The following CABLES2 variants were observed in gnomAD, a reference collection of about 807,000 sequenced individuals.
CABLES2 encodes the protein CDK5 and ABL1 enzyme substrate 2.
CABLES2 carries 35 observed loss-of-function variants against 44.8 expected under a neutral mutation model. The ratio of observed to expected loss-of-function variants is 0.78; its 90% CI spans 0.60 to 1.04. The LOEUF (loss-of-function observed/expected upper bound fraction) is 1.04. Ranked by LOEUF, CABLES2 falls within the 50% of genes least tolerant of loss-of-function variation. The pLI, the probability that CABLES2 is intolerant of heterozygous loss-of-function variation, is 0.00. For missense variants in CABLES2, 566 were observed against 615.7 expected, an observed-to-expected ratio of 0.92 and a Z score of 0.85; for synonymous variants, 282 against 281.1, an observed-to-expected ratio of 1.00 and a Z score of -0.03.
intron 1 of CABLES2, among the ~76,000 whole-genome samples, chr20:62,397,377 T>G (rs11908394): frequency 0.18 from 27,601 of 152,176 alleles, 2,732 homozygotes; most frequent in Middle Eastern, 0.26. Flanking sequence ...CCCCACTCAC[T>G]GCTGTCCTTA....
At chr20:62,401,369 G>A (rs554925519) in intron 1 of CABLES2, among the ~76,000 whole-genome samples, 2 of 152,204 alleles carry the variant, frequency 1.3e-5, no homozygotes, top group Non-Finnish European at 2.9e-5. Context: ...CAGAACCAGG[G>A]CTGTTGCAAC....
chr20:62,407,057 G>A lies in CABLES2; in HGVS notation c.220C>T (p.Pro74Ser). 1.8e-6 allele frequency: 2 copies of A among 1,087,746 alleles called. No individual in the cohort carries two copies. Among genetic ancestry groups the A allele is most frequent in the Non-Finnish European group, 2.2e-6 (2 of 896,310 alleles). 67.4% of individuals were successfully genotyped at this position (1,087,746 alleles called of 1,614,324 possible). ...GGCGGTTCGCGGGCCTCGGCGGGCG[G>A]CGGCGGGGGCTTCTCTCCGCCCGGG... ...LGPGGEKPPP[P>S]PAEAREPPAP... The change falls in exon 1 of 10, where the codon CCG becomes TCG. Residue 74 changes from proline to serine, a missense_variant. This residue lies in a region of CABLES2 where 130 missense variants were observed against 79.4 expected (regional missense o/e 1.64). Coordinates refer to ENST00000279101, the MANE Select transcript of CABLES2 (RefSeq NM_031215.3).
Position 62,407,238 on chromosome 20 carries a change from G to T in CABLES2, c.39C>A (p.Ala13=), listed in dbSNP as rs1163662347. 2.4e-6 allele frequency: 2 copies of T among 817,428 alleles called. No individual in the cohort carries two copies. The highest frequency in any genetic ancestry group is 2.9e-6 in the Non-Finnish European group (2 of 680,064). 50.6% of individuals were successfully genotyped at this position (817,428 alleles called of 1,614,324 possible). Residue 13 remains alanine, a synonymous_variant, in exon 1 of 10, where the codon GCC becomes GCA. Coordinates refer to ENST00000279101, the MANE Select transcript of CABLES2 (RefSeq NM_031215.3). Reference sequence around the variant, plus strand: ...GTGGCGGGGGCCCGGCGGGGCCGGGGGCCGGGCCCGGGGCTCCACCGGCCG... The same window carrying T: ...GTGGCGGGGGCCCGGCGGGGCCGGGTGCCGGGCCCGGGGCTCCACCGGCCG... ...AAAAGGAPGP[A]PGPAGPPPPA...
At chr20:62,402,053 C>T (rs1485373735) in intron 1 of CABLES2, among the ~76,000 whole-genome samples, 3 of 152,128 alleles carry the variant, frequency 2.0e-5, no homozygotes, top group Non-Finnish European at 2.9e-5. Context: ...GGTGCCTACT[C>T]GTGGTTCCCC....
Position 62,390,660 on chromosome 20 carries a change from G to A in CABLES2, c.*311C>T, listed in dbSNP as rs1987897723. 2 of 383,440 alleles carry A rather than the reference G, an allele frequency of 5.2e-6. No homozygotes were observed. The highest frequency in any genetic ancestry group is 6.3e-5 in the South Asian group (2 of 31,718). 23.8% of individuals were successfully genotyped at this position (383,440 alleles called of 1,614,324 possible). ...TCGCTGCTGCACGCTGTGAACAAAA[G>A]GTCCTGGTACCAGGCTGGTCTCAGG... On this transcript the variant is annotated 3_prime_UTR_variant, in exon 10 of 10. Coordinates refer to ENST00000279101, the MANE Select transcript of CABLES2 (RefSeq NM_031215.3).
chr20:62,393,009 C>T lies in CABLES2; in HGVS notation c.895G>A (p.Asp299Asn). 6.2e-7 allele frequency: 1 copy of T among 1,613,758 alleles called. No homozygotes were observed. Among genetic ancestry groups the T allele is most frequent in the South Asian group, 1.1e-5 (1 of 91,082 alleles). Reference sequence around the variant, plus strand: ...AGGTTGGGGTTGTACTCCAGGGTGTCCCCCACGTCACTCCCTGTAAGAGAG... The same window carrying T: ...AGGTTGGGGTTGTACTCCAGGGTGTTCCCCACGTCACTCCCTGTAAGAGAG... ...ASTELGSDVG[D>N]TLEYNPNLLD... Residue 299 changes from aspartate to asparagine, a missense_variant, in exon 7 of 10, where the codon GAC (aspartate) becomes AAC (asparagine). By Grantham distance (23) the Asp-to-Asn change is conservative. Coordinates refer to ENST00000279101, the MANE Select transcript of CABLES2 (RefSeq NM_031215.3).
At chr20:62,397,998 A>ATGG (rs1569017317) in intron 1 of CABLES2, among the ~76,000 whole-genome samples, 8 of 68,304 alleles carry the variant, frequency 1.2e-4, no homozygotes, top group Admixed American at 1.5e-4. Context: ...GGTGGTGATG[A>ATGG]TGGTGATGGT....
Position 62,388,958 on chromosome 20 carries a change from G to A in CABLES2, c.*2013C>T, listed in dbSNP as rs747673830. The stretch of plus-strand genomic sequence containing the variant: ...AAAAATGGGACATAACTGAAGGGAA[G>A]GCTTCACACATCACAAAGACCGGGT... On this transcript the variant is annotated 3_prime_UTR_variant, in exon 10 of 10. Transcript: ENST00000279101. 15 of 166,902 alleles carry A rather than the reference G, an allele frequency of 9.0e-5. No homozygotes were observed. Among genetic ancestry groups the A allele is most frequent in the Non-Finnish European group, 1.7e-4 (13 of 76,678 alleles). 10.3% of individuals were successfully genotyped at this position (166,902 alleles called of 1,614,324 possible).
intron 1 of CABLES2, among the ~76,000 whole-genome samples, chr20:62,398,262 T>C (rs1381769959): frequency 2.2e-4 from 28 of 128,634 alleles, no homozygotes; most frequent in African/African-American, 9.4e-4. Flanking sequence ...GTGGTGGTGA[T>C]GGTGATGGCG....
intron 1 of CABLES2, among the ~76,000 whole-genome samples, chr20:62,400,992 G>A (rs1385682787): frequency 6.6e-6 from 1 of 152,192 alleles, no homozygotes; most frequent in African/African-American, 2.4e-5. Flanking sequence ...GTTCATGGGT[G>A]GGTAAATTGA....
intron 6 of CABLES2, among the ~76,000 whole-genome samples, 165 bp downstream of exon 6, chr20:62,393,275 C>T (rs973182101): frequency 2.0e-5 from 3 of 152,270 alleles, no homozygotes; most frequent in Non-Finnish European, 4.4e-5. Context: ...CCAGGGATAG[C>T]GATTCAGTGT....
chr20:62,396,715 G>T lies in CABLES2; in HGVS notation c.363-123C>A. 1.0e-6 allele frequency: 1 copy of T among 957,364 alleles called. No individual in the cohort carries two copies. The highest frequency in any genetic ancestry group is 1.6e-6 in the Non-Finnish European group (1 of 630,210). The allele number at this position is 957,364 out of a possible 1,614,324, so 59.3% of individuals were successfully genotyped here. A position where few individuals can be genotyped will look rare whatever the true frequency, so the allele number is the denominator to read the frequency against. On this transcript the variant is annotated intron_variant, in intron 1 of 9. Transcript: ENST00000279101. The surrounding 1 kb of genome is among the most constrained non-coding windows in gnomAD (Gnocchi z 5.7). ...CTCTCCAGCCCAGCGGCGCACCCAT[G>T]GGCCGAGGGGCTTCCAGAGCCCATG...
intron 1 of CABLES2, among the ~76,000 whole-genome samples, chr20:62,399,902 T>G (rs1231146178): frequency 6.6e-6 from 1 of 152,136 alleles, no homozygotes; most frequent in Non-Finnish European, 1.5e-5. Flanking sequence ...TAACGAAGTG[T>G]GAAATAGCTC....
intron 1 of CABLES2, among the ~76,000 whole-genome samples, chr20:62,406,696 CA>C: frequency 2.0e-5 from 1 of 50,724 alleles, no homozygotes; most frequent in Non-Finnish European, 3.9e-5. Context: ...GGGCTCAGGT[CA>C]CCTGAACCTC....
Position 62,398,190 on chromosome 20 carries a change from GTGA to G in CABLES2, c.363-1601_363-1599del, listed in dbSNP as rs760505957. 5.8e-3 allele frequency among the ~76,000 whole-genome samples: 663 copies of G among 113,456 alleles called. 18 individuals are homozygous for G. The highest frequency in any genetic ancestry group is 0.02 in the East Asian group (85 of 4,218). The allele number at this position is 113,456 out of a possible 152,430, so 74.4% of individuals were successfully genotyped here. A position where few individuals can be genotyped will look rare whatever the true frequency, so the allele number is the denominator to read the frequency against. ...GGTGGTAATGGTGGTGGTGGTGATG[GTGA>G]TGATGGTGGTGATGGTGATGTGATG... On this transcript the variant is annotated intron_variant, in intron 1 of 9. Coordinates refer to ENST00000279101, the MANE Select transcript of CABLES2 (RefSeq NM_031215.3).
At chr20:62,397,055 G>C (rs1436202943) in intron 1 of CABLES2, among the ~76,000 whole-genome samples, 1 of 152,112 alleles carries the variant, frequency 6.6e-6, no homozygotes, top group Non-Finnish European at 1.5e-5. Context: ...GTGGGCACCG[G>C]GCACCCCTTG....
intron 1 of CABLES2, among the ~76,000 whole-genome samples, chr20:62,398,121 G>GTGGTAATGGCGGTGGTGGTGA (rs1555890790): frequency 1.2e-5 from 1 of 82,418 alleles, no homozygotes; most frequent in Non-Finnish European, 2.3e-5. Flanking sequence ...GGTGGTGGTG[G>GTGGTAATGGCGGTGGTGGTGA]TGGTTATGAC....
At chr20:62,394,775 G>A (rs1161827642) in intron 4 of CABLES2, among the ~76,000 whole-genome samples, 162 bp downstream of exon 4, 2 of 152,220 alleles carry the variant, frequency 1.3e-5, no homozygotes, top group Admixed American at 6.5e-5. Context: ...CCGGGTTCCT[G>A]AGGAGCTTTG....
In CABLES2 at chr20:62,391,013, G is replaced by C. The variant is rs775062048; in HGVS notation, c.1395C>G (p.Asn465Lys). 1.9e-6 allele frequency: 3 copies of C among 1,614,016 alleles called. No individual in the cohort carries two copies. In the African/African-American group the frequency reaches 4.0e-5, roughly 22 times the overall value. ...ALELALYLPENQVLPHYRRLT... is the reference protein window; with the variant it reads ...ALELALYLPEKQVLPHYRRLT... ...GGCGCCTGTAATGAGGTAACACTTG[G>C]TTCTCGGGAAGATACAGGGCCAGCT... The change falls in exon 10 of 10, where the codon AAC becomes AAG. Residue 465 changes from asparagine to lysine, a missense_variant. Physicochemically the swap from Asn to Lys is moderately conservative, Grantham distance 94 (BLOSUM62 0). This residue lies in a region of CABLES2 where 436 missense variants were observed against 536.3 expected (regional missense o/e 0.81). Transcript: ENST00000279101. This position sits in a 1 kb window ranked among gnomAD's most constrained non-coding sequence, Gnocchi z 5.7.
Sources: allele counts gnomAD v4.1 joint callset (sites outside exome capture counted in the v4.1 genomes callset), GRCh38; gene constraint gnomAD v4.1.1; regional missense constraint gnomAD v4.1.1; non-coding constraint Gnocchi (gnomAD v3.1); transcripts MANE v1.5; gene names NCBI Gene and HGNC (gene_info 2026-07-23, HGNC 2026-07-21).